SAMD4B: variants seen among roughly 807,000 people sequenced by gnomAD.
SAMD4B encodes protein Smaug homolog 2.
SAMD4B carries 5 observed loss-of-function variants against 74.5 expected under a neutral mutation model. The observed-to-expected ratio is 0.07, with a 90% confidence interval of 0.04 to 0.14. The LOEUF (loss-of-function observed/expected upper bound fraction) is 0.14, where lower values mean the gene tolerates loss of function less well. Ranked by LOEUF, SAMD4B falls within the 10% of genes least tolerant of loss-of-function variation. The probability of loss-of-function intolerance (pLI) is 1.00; values close to 1 mark genes in which losing one functional copy is unlikely to be tolerated. For synonymous variants in SAMD4B, 373 were observed against 374.9 expected (o/e 1.00, Z 0.06); for missense variants, 608 against 921.8 (o/e 0.66, Z 4.41).
chr19:39,354,706 C>T (rs867539428), intron 2 of SAMD4B, among the ~76,000 whole-genome samples: 1 of 152,126 alleles, frequency 6.6e-6, no homozygotes, highest in African/African-American at 2.4e-5. Flanking sequence ...GGGAAGCTCT[C>T]TCTGAAGAAA....
Position 39,356,710 on chromosome 19 carries a change from G to C in SAMD4B, c.-184G>C, listed in dbSNP as rs2076361484. On this transcript the variant is annotated 5_prime_UTR_variant, in exon 3 of 14. Transcript: ENST00000610417. ...TCAGGAAACTGGAGAGGCGTGGCTG[G>C]ACCAAGACCTCCCCCCATGTGAGCA... 1 of 547,166 alleles carries C rather than the reference G, an allele frequency of 1.8e-6. No individual in the cohort carries two copies. The highest frequency in any genetic ancestry group is 3.2e-6 in the Non-Finnish European group (1 of 308,102). The allele number at this position is 547,166 out of a possible 1,614,324, so 33.9% of individuals were successfully genotyped here. A position where few individuals can be genotyped will look rare whatever the true frequency, so the allele number is the denominator to read the frequency against.
intron 7 of SAMD4B, among the ~76,000 whole-genome samples, chr19:39,376,994 TC>T (rs1402281886): frequency 6.6e-6 from 1 of 152,222 alleles, no homozygotes; most frequent in Non-Finnish European, 1.5e-5. Context: ...TCCCTGTCTT[TC>T]CTGGTTTGTG....
intron 1 of SAMD4B, among the ~76,000 whole-genome samples, chr19:39,343,019 G>T (rs1331406876): frequency 1.3e-5 from 2 of 151,726 alleles, no homozygotes; most frequent in Admixed American, 1.3e-4. Flanking sequence ...CCGCCCTTTG[G>T]CCCCGAAGCC....
intron 1 of SAMD4B, among the ~76,000 whole-genome samples, chr19:39,352,753 G>A (rs1039446500): frequency 6.6e-6 from 1 of 151,542 alleles, no homozygotes; most frequent in African/African-American, 2.4e-5. Context: ...CAGCTTATTG[G>A]GTGGGTGGAG....
rs1024448088 is a variant in SAMD4B at position 39,375,771 on chromosome 19, C to T, written c.789C>T (p.Thr263=). The T allele has an allele frequency of 1.2e-6, 2 of 1,614,138 alleles. No individual in the cohort carries two copies. Among genetic ancestry groups the T allele is most frequent in the East Asian group, 2.2e-5 (1 of 44,866 alleles). Residue 263 remains threonine (T), a synonymous_variant, in exon 5 of 14, where the codon ACC becomes ACT. Transcript: ENST00000610417. The surrounding 1 kb of genome is among the most constrained non-coding windows in gnomAD (Gnocchi z 4.1). ...AGCTTGGGGCCCGGGCTGCTTTTACCACGCCCGATCACGCACCTCTCTCGC... is the reference window on the plus strand; with the variant it reads ...AGCTTGGGGCCCGGGCTGCTTTTACTACGCCCGATCACGCACCTCTCTCGC... ...PEELGARAAF[T]TPDHAPLSPQ... is the part of the protein sequence containing the mutation.
intron 6 of SAMD4B, 62 bp from the exon 7 acceptor site, chr19:39,376,643 G>A: frequency 3.1e-6 from 5 of 1,591,238 alleles, no homozygotes; most frequent in South Asian, 1.1e-5. Flanking sequence ...CTCTATTTGG[G>A]TACCCCCAAA....
intron 4 of SAMD4B, among the ~76,000 whole-genome samples, chr19:39,373,974 T>C (rs1233090409): frequency 1.4e-5 from 2 of 143,372 alleles, no homozygotes; most frequent in Admixed American, 7.1e-5. Context: ...CTAAAAAATA[T>C]ATATATATAT....
rs1173789091 is a variant in SAMD4B, at chr19:39,383,381, C to A, written c.2056+90C>A. 20 of 1,576,046 alleles carry A rather than the reference C, an allele frequency of 1.3e-5. No homozygotes were observed. The highest frequency in any genetic ancestry group is 1.7e-5 in the Admixed American group (1 of 59,982). Reference sequence around the variant, plus strand: ...CAACTCAGAGTCATCCTGAGGGGTCCCCAGGGGAGGCCAGACTCCAGGGAG... The same window carrying A: ...CAACTCAGAGTCATCCTGAGGGGTCACCAGGGGAGGCCAGACTCCAGGGAG... On this transcript the variant is annotated intron_variant, in intron 13 of 13. Transcript: ENST00000610417. This position sits in a 1 kb window ranked among gnomAD's most constrained non-coding sequence, Gnocchi z 4.1.
intron 2 of SAMD4B, among the ~76,000 whole-genome samples, chr19:39,354,905 C>G (rs1330911329): frequency 6.6e-6 from 1 of 152,074 alleles, no homozygotes; most frequent in Non-Finnish European, 1.5e-5. Context: ...GGCAGAGTTT[C>G]CCTGTCACCC....
At chr19:39,381,996 G>T (rs2078021093) in intron 12 of SAMD4B, among the ~76,000 whole-genome samples, 1 of 152,228 alleles carries the variant, frequency 6.6e-6, no homozygotes, top group Non-Finnish European at 1.5e-5. Context: ...TCCCTGCCCT[G>T]CTCAACAAGT....
In SAMD4B at chr19:39,357,043, G is replaced by T. The variant is rs370985863; in HGVS notation, c.150G>T (p.Ala50=). ...AGCTCTGCCTGGAGCACTCACTGGC[G>T]GACTGCAATGACATCCACCTGCTGG... The part of the protein sequence containing the change: ...FLQLCLEHSL[A]DCNDIHLLES... The change falls in exon 3 of 14, where the codon GCG becomes GCT. Residue 50 remains alanine, a synonymous_variant. Coordinates refer to ENST00000610417, the MANE Select transcript of SAMD4B (RefSeq NM_001384574.2). 6.2e-7 allele frequency: 1 copy of T among 1,613,558 alleles called. No individual in the cohort carries two copies. Among genetic ancestry groups the T allele is most frequent in the Admixed American group, 1.7e-5 (1 of 59,980 alleles).
At chr19:39,377,376 C>G (rs2077664192) in intron 7 of SAMD4B, 109 bp from the exon 8 acceptor site, 1 of 898,752 alleles carries the variant, frequency 1.1e-6, no homozygotes, top group African/African-American at 1.7e-5. Context: ...TGCTGGAACC[C>G]AGGGTCCTAC....
downstream of SAMD4B, chr19:39,385,973 C>G (rs759878860): frequency 6.2e-7 from 1 of 1,612,478 alleles, no homozygotes; most frequent in Non-Finnish European, 8.5e-7. Context: ...TCTGAACCAG[C>G]CCTGAATGCC....
In SAMD4B at chr19:39,378,644, C is replaced by A; in HGVS notation, c.1530+55C>A. On this transcript the variant is annotated intron_variant, in intron 9 of 13. Transcript: ENST00000610417. This position sits in a 1 kb window ranked among gnomAD's most constrained non-coding sequence, Gnocchi z 4.4. Reference sequence around the variant, plus strand: ...GGAAAGGCGGCCAGGCGTGGTGGTTCACGCCTGTAGTCCCAGCACTTCGGC... The same window carrying A: ...GGAAAGGCGGCCAGGCGTGGTGGTTAACGCCTGTAGTCCCAGCACTTCGGC... The A allele has an allele frequency of 1.3e-6, 2 of 1,510,806 alleles. No homozygotes were observed. Among genetic ancestry groups the A allele is most frequent in the South Asian group, 1.1e-5 (1 of 88,498 alleles). 93.6% of individuals were successfully genotyped at this position (1,510,806 alleles called of 1,614,324 possible).
rs1465024317 is a variant in SAMD4B at position 39,383,316 on chromosome 19, C to G, written c.2056+25C>G. ...GGTGAGCATTTCCTCTTTCCCTGAC[C>G]CAGCTCCCACCTACCCAGCGTCTCT... On this transcript the variant is annotated intron_variant, in intron 13 of 13. Coordinates refer to ENST00000610417, the MANE Select transcript of SAMD4B (RefSeq NM_001384574.2). This position sits in a 1 kb window ranked among gnomAD's most constrained non-coding sequence, Gnocchi z 4.1. 6.2e-7 allele frequency: 1 copy of G among 1,608,744 alleles called. No homozygotes were observed. The highest frequency in any genetic ancestry group is 2.2e-5 in the East Asian group (1 of 44,846).
At position 39,375,818 on chromosome 19, in the gene SAMD4B, C is replaced by G. The variant is rs747156263; in HGVS notation, c.836C>G (p.Ser279Cys). Residue 279 changes from serine (S) to cysteine (C), a missense_variant, in exon 5 of 14, where the codon TCT becomes TGT. Around this residue, in one of 9 missense-constraint regions of SAMD4B, gnomAD observed 31 missense variants for 43.4 expected, o/e 0.71. Transcript: ENST00000610417. The surrounding 1 kb of genome is among the most constrained non-coding windows in gnomAD (Gnocchi z 4.1). The part of the protein sequence containing the change: ...PLSPQSSVAS[S>C]GSEQTEEQGS... The stretch of plus-strand genomic sequence containing the variant: ...TCGCCCCAGAGCAGCGTGGCCTCCT[C>G]TGGCAGTGAGCAGACAGAGGAGCAG... 2 of 1,613,684 alleles carry G rather than the reference C, an allele frequency of 1.2e-6. No individual in the cohort carries two copies. Among genetic ancestry groups the G allele is most frequent in the East Asian group, 4.5e-5 (2 of 44,896 alleles).
chr19:39,348,931 A>G (rs965796972), intron 1 of SAMD4B, among the ~76,000 whole-genome samples: 2 of 152,216 alleles, frequency 1.3e-5, no homozygotes, highest in African/African-American at 4.8e-5. Flanking sequence ...TTTATGCCTC[A>G]CAACTCTATG....
At position 39,383,980 on chromosome 19, in the gene SAMD4B, T is replaced by C. The variant is rs549405797; in HGVS notation, c.*453T>C. On this transcript the variant is annotated 3_prime_UTR_variant, in exon 14 of 14. Coordinates refer to ENST00000610417, the MANE Select transcript of SAMD4B (RefSeq NM_001384574.2). This position sits in a 1 kb window ranked among gnomAD's most constrained non-coding sequence, Gnocchi z 4.1. ...GGCAGAGAACCTGCCCTCCAGAATG[T>C]TATTGAGAGGAGCTGGGGAGAAGGA... The C allele has an allele frequency of 2.1e-6, 1 of 480,466 alleles. No individual in the cohort carries two copies. The highest frequency in any genetic ancestry group is 3.6e-5 in the Admixed American group (1 of 27,876). The allele number at this position is 480,466 out of a possible 1,614,324, so 29.8% of individuals were successfully genotyped here.
chr19:39,386,255 G>T (rs774725697), downstream of SAMD4B: 71 of 1,614,060 alleles, frequency 4.4e-5, no homozygotes, highest in Middle Eastern at 4.9e-4. The surrounding 1 kb of genome is among the most constrained non-coding windows in gnomAD (Gnocchi z 6.1). Context: ...GGGCAGCCCG[G>T]GCCTCATCCT....
Sources: gnomAD v4.1 joint callset for allele counts (sites outside exome capture counted in the v4.1 genomes callset) on GRCh38, gnomAD v4.1.1 for gene constraint, gnomAD v4.1.1 regional missense constraint, Gnocchi (gnomAD v3.1) non-coding constraint, MANE v1.5 for transcripts, NCBI Gene and HGNC (gene_info 2026-07-23, HGNC 2026-07-21) for gene names.